CMTM4: variants seen among roughly 807,000 people sequenced by gnomAD.
CMTM4 encodes CKLF-like MARVEL transmembrane domain-containing protein 4.
CMTM4 carries 8 observed loss-of-function variants against 19.0 expected under a neutral mutation model. That is an observed-to-expected ratio of 0.42 (90% CI 0.25 to 0.76). The LOEUF (loss-of-function observed/expected upper bound fraction) is 0.76. Among genes scored for constraint, CMTM4 ranks in the 30% least tolerant of loss-of-function variants. The probability of loss-of-function intolerance (pLI) is 0.27; values close to 1 mark genes in which losing one functional copy is unlikely to be tolerated. For missense variants in CMTM4, 228 were observed against 290.2 expected (o/e 0.79, Z 1.56); for synonymous variants, 106 against 121.1 (o/e 0.88, Z 0.82).
At chr16:66,600,134 G>GTGGT in the CMTM4 span, among the ~76,000 whole-genome samples, 2 of 129,806 alleles carry the variant, frequency 1.5e-5, no homozygotes, top group Non-Finnish European at 3.2e-5. Flanking sequence ...GTGTGTGTGT[G>GTGGT]TGTTTTTTTT....
chr16:66,605,130 T>G, the CMTM4 span: 2 of 521,820 alleles, frequency 3.8e-6, no homozygotes, highest in South Asian at 3.6e-5. This position sits in a 1 kb window ranked among gnomAD's most constrained non-coding sequence, Gnocchi z 4.6. Flanking sequence ...TCCCCAAACT[T>G]TGGACGGCGG....
rs1276071792 is a variant in CMTM4 at position 66,696,741 on chromosome 16, G to C, written c.-216C>G. ...GCTCCCGCCGCCTCGGCAGCGGAAAGGGAGGGAGGTGGGAGCCAGGAGAGG... is the reference window on the plus strand; with the variant it reads ...GCTCCCGCCGCCTCGGCAGCGGAAACGGAGGGAGGTGGGAGCCAGGAGAGG... On this transcript the variant is annotated 5_prime_UTR_variant, in exon 1 of 4. Coordinates refer to ENST00000394106, the MANE Select transcript of CMTM4 (RefSeq NM_181521.3). This position sits in a 1 kb window ranked among gnomAD's most constrained non-coding sequence, Gnocchi z 4.3. The C allele has an allele frequency of 6.7e-6, 1 of 149,792 alleles. No individual in the cohort carries two copies. Among genetic ancestry groups the C allele is most frequent in the Non-Finnish European group, 1.5e-5 (1 of 68,256 alleles). 9.3% of individuals were successfully genotyped at this position (149,792 alleles called of 1,614,324 possible).
At chr16:66,642,030 T>C (rs2016105478) in intron 1 of CMTM4, among the ~76,000 whole-genome samples, 1 of 152,222 alleles carries the variant, frequency 6.6e-6, no homozygotes, top group South Asian at 2.1e-4. Flanking sequence ...CCCCTATTGA[T>C]AGGCATTTAG....
intron 1 of CMTM4, among the ~76,000 whole-genome samples, chr16:66,650,035 G>A (rs547271431): frequency 1.3e-5 from 2 of 152,118 alleles, no homozygotes; most frequent in African/African-American, 2.4e-5. Flanking sequence ...GGGAGGTATC[G>A]AGACAAAAAG....
the CMTM4 span, among the ~76,000 whole-genome samples, chr16:66,601,064 G>T: frequency 6.6e-6 from 1 of 151,746 alleles, no homozygotes; most frequent in Non-Finnish European, 1.5e-5. Flanking sequence ...CCCTGTGCAG[G>T]TTGGGAAGCT....
At chr16:66,608,495 G>A in the CMTM4 span, 1 of 1,610,210 alleles carries the variant, frequency 6.2e-7, no homozygotes, top group Non-Finnish European at 8.5e-7. This position sits in a 1 kb window ranked among gnomAD's most constrained non-coding sequence, Gnocchi z 5.1. Flanking sequence ...AGGGAGGGGT[G>A]CCCTGCACAA....
At chr16:66,687,034 G>A (rs1249836694) in intron 1 of CMTM4, among the ~76,000 whole-genome samples, 3 of 151,054 alleles carry the variant, frequency 2.0e-5, no homozygotes, top group African/African-American at 7.3e-5. Flanking sequence ...TTTCTTTAAT[G>A]TTACAACATT....
chr16:66,683,150 T>TATATATAC (rs2016954035), intron 1 of CMTM4, among the ~76,000 whole-genome samples: 1 of 128,090 alleles, frequency 7.8e-6, no homozygotes, highest in African/African-American at 3.0e-5. Context: ...TATATATGTA[T>TATATATAC]ATATATATAC....
chr16:66,683,194 C>CACAT lies in CMTM4; in HGVS notation c.186+13145_186+13146insATGT, dbSNP rs1555502531. Among the ~76,000 whole-genome samples the CACAT allele has an allele frequency of 5.8e-3, 622 of 107,670 alleles. 9 individuals are homozygous for CACAT. The highest frequency in any genetic ancestry group is 0.011 in the African/African-American group (273 of 25,078). The allele number at this position is 107,670 out of a possible 152,430, so 70.6% of individuals were successfully genotyped here. A position where few individuals can be genotyped will look rare whatever the true frequency, so the allele number is the denominator to read the frequency against. The stretch of plus-strand genomic sequence containing the variant: ...ATATATACATATGTATATATATATA[C>CACAT]ATATATATATATATATAAATTTTCC... On this transcript the variant is annotated intron_variant, in intron 1 of 3. Transcript: ENST00000394106.
chr16:66,607,836 T>TG, the CMTM4 span, among the ~76,000 whole-genome samples: 1 of 134,354 alleles, frequency 7.4e-6, no homozygotes, highest in Non-Finnish European at 1.6e-5. Flanking sequence ...CCATGCTGGG[T>TG]TTTTTTTTTT....
chr16:66,630,316 C>T (rs1454602783), intron 2 of CMTM4, among the ~76,000 whole-genome samples: 4 of 98,576 alleles, frequency 4.1e-5, no homozygotes, highest in Admixed American at 2.2e-4. Flanking sequence ...CTCACCCTCC[C>T]CCTCCCCCCT....
In CMTM4 at chr16:66,619,100, G is replaced by A; in HGVS notation, c.*2958C>T. ...TCTGAAACTGCATCTGTTCTTCCCA[G>A]CTTTATGTGGGGCCAACAAGTATCT... On this transcript the variant is annotated 3_prime_UTR_variant, in exon 4 of 4. Transcript: ENST00000394106. The A allele has an allele frequency of 2.0e-6, 2 of 985,470 alleles. No individual in the cohort carries two copies. The highest frequency in any genetic ancestry group is 2.4e-6 in the Non-Finnish European group (2 of 829,938). The allele number at this position is 985,470 out of a possible 1,614,324, so 61.0% of individuals were successfully genotyped here. A position where few individuals can be genotyped will look rare whatever the true frequency, so the allele number is the denominator to read the frequency against.
chr16:66,692,934 A>T (rs895290360), intron 1 of CMTM4, among the ~76,000 whole-genome samples: 1 of 151,788 alleles, frequency 6.6e-6, no homozygotes, highest in African/African-American at 2.4e-5. Context: ...TAAAAAAACT[A>T]AATTTATGGC....
the CMTM4 span, among the ~76,000 whole-genome samples, chr16:66,598,351 T>C: frequency 2.6e-5 from 4 of 152,198 alleles, no homozygotes; most frequent in Admixed American, 1.3e-4. Flanking sequence ...AGTTAACTTA[T>C]ATACAGGCAC....
intron 1 of CMTM4, among the ~76,000 whole-genome samples, chr16:66,638,107 C>G (rs146412255): frequency 1.8e-3 from 276 of 152,322 alleles, no homozygotes; most frequent in African/African-American, 6.4e-3. Flanking sequence ...CTGCTTCTCC[C>G]TGCCAGACAT....
intron 2 of CMTM4, among the ~76,000 whole-genome samples, chr16:66,633,833 AG>A (rs1410638998): frequency 4.0e-5 from 6 of 151,292 alleles, no homozygotes; most frequent in Admixed American, 2.0e-4. Context: ...AAAAAAAAAA[AG>A]GTACCATCTC....
At chr16:66,681,807 C>CCCCATTTGTCAAATG (rs1256744428) in intron 1 of CMTM4, among the ~76,000 whole-genome samples, 2 of 152,180 alleles carry the variant, frequency 1.3e-5, no homozygotes, top group Non-Finnish European at 2.9e-5. Flanking sequence ...AAATCACTTG[C>CCCCATTTGTCAAATG]CCTTCCCTTC....
chr16:66,619,267 T>G lies in CMTM4; in HGVS notation c.*2791A>C, dbSNP rs1361964317. ...CCACCCAATCAGTGCCAAAATAAACTTTCTCTGAGGACATCAGTGTTTGCA... is the reference window on the plus strand; with the variant it reads ...CCACCCAATCAGTGCCAAAATAAACGTTCTCTGAGGACATCAGTGTTTGCA... On this transcript the variant is annotated 3_prime_UTR_variant, in exon 4 of 4. Transcript: ENST00000394106. 1 of 985,308 alleles carries G rather than the reference T, an allele frequency of 1.0e-6. No individual in the cohort carries two copies. Among genetic ancestry groups the G allele is most frequent in the Non-Finnish European group, 1.2e-6 (1 of 829,948 alleles). 61.0% of individuals were successfully genotyped at this position (985,308 alleles called of 1,614,324 possible).
chr16:66,605,153 G>T, the CMTM4 span: 6 of 467,696 alleles, frequency 1.3e-5, no homozygotes, highest in South Asian at 1.5e-4. The surrounding 1 kb of genome is among the most constrained non-coding windows in gnomAD (Gnocchi z 4.6). Flanking sequence ...CGGGGCCCGA[G>T]CCCAGGCCAT....
Sources: gnomAD v4.1 joint callset for allele counts (sites outside exome capture counted in the v4.1 genomes callset) on GRCh38, gnomAD v4.1.1 for gene constraint, Gnocchi (gnomAD v3.1) non-coding constraint, MANE v1.5 for transcripts, NCBI Gene and HGNC (gene_info 2026-07-23, HGNC 2026-07-21) for gene names.